NRG3: variants seen among roughly 807,000 people sequenced by gnomAD.
The protein encoded by NRG3 is neuregulin 3, also known as pro-neuregulin-3, membrane-bound isoform.
Under a neutral mutation model 66.9 loss-of-function variants are expected in NRG3, and 31 were observed. The ratio of observed to expected loss-of-function variants is 0.46; its 90% CI spans 0.35 to 0.63. The LOEUF is 0.63. Among genes scored for constraint, NRG3 ranks in the 20% least tolerant of loss-of-function variants. NRG3 has a pLI of 0.00. For missense variants in NRG3, 910 were observed against 878.9 expected, an observed-to-expected ratio of 1.04 and a Z score of -0.45; for synonymous variants, 393 against 359.4, an observed-to-expected ratio of 1.09 and a Z score of -1.06.
chr10:81,975,068 C>T (rs746953342), intron 1 of NRG3, among the ~76,000 whole-genome samples: 11 of 147,808 alleles, frequency 7.4e-5, no homozygotes, highest in African/African-American at 1.8e-4. Flanking sequence ...GGACATATAG[C>T]TCTACACACA....
chr10:82,590,513 A>T (rs1178618121), intron 2 of NRG3, among the ~76,000 whole-genome samples: 1 of 152,162 alleles, frequency 6.6e-6, no homozygotes, highest in East Asian at 1.9e-4. Context: ...GACCTGTAGG[A>T]TGCTGTAGCA....
intron 2 of NRG3, among the ~76,000 whole-genome samples, chr10:82,683,883 A>T (rs2054301659): frequency 6.6e-6 from 1 of 152,160 alleles, no homozygotes; most frequent in Admixed American, 6.6e-5. Flanking sequence ...CATTTTCCTA[A>T]ACTATACGCA....
intron 1 of NRG3, among the ~76,000 whole-genome samples, chr10:82,142,188 C>G (rs1316407142): frequency 6.6e-6 from 1 of 152,120 alleles, no homozygotes; most frequent in African/African-American, 2.4e-5. Context: ...CTATTTATAC[C>G]AAAGCTTTGT....
At chr10:81,957,214 A>G (rs576697898) in intron 1 of NRG3, among the ~76,000 whole-genome samples, 6 of 152,286 alleles carry the variant, frequency 3.9e-5, no homozygotes, top group African/African-American at 1.4e-4. Flanking sequence ...CTGTCCATCA[A>G]CCAGGAACGC....
chr10:82,474,381 A>G (rs573636335), intron 2 of NRG3, among the ~76,000 whole-genome samples: 1 of 152,200 alleles, frequency 6.6e-6, no homozygotes, highest in Non-Finnish European at 1.5e-5. Flanking sequence ...CAGGAATATT[A>G]TATATGAACA....
At chr10:82,005,938 A>G (rs912246446) in intron 1 of NRG3, among the ~76,000 whole-genome samples, 3 of 146,374 alleles carry the variant, frequency 2.0e-5, no homozygotes, top group Non-Finnish European at 3.0e-5. Context: ...ACCTTTCAGT[A>G]TAATGAGAAA....
At chr10:82,230,005 A>C (rs925319713) in intron 1 of NRG3, 2 of 152,214 alleles carry the variant, frequency 1.3e-5, no homozygotes, top group African/African-American at 2.4e-5. Flanking sequence ...CCAAACAGAA[A>C]AAAGAAAAGT....
intron 1 of NRG3, among the ~76,000 whole-genome samples, chr10:82,211,512 G>A (rs1320245304): frequency 1.3e-5 from 2 of 152,114 alleles, no homozygotes; most frequent in East Asian, 1.9e-4. Context: ...GGCAAAGAAT[G>A]CAATCCCTCC....
chr10:81,894,675 T>G (rs895472287), intron 1 of NRG3, among the ~76,000 whole-genome samples: 6 of 152,196 alleles, frequency 3.9e-5, no homozygotes, highest in African/African-American at 1.2e-4. Context: ...ATTGTGCCTC[T>G]CTCTGAGTGT....
intron 3 of NRG3, among the ~76,000 whole-genome samples, chr10:82,818,050 T>A (rs1591617793): frequency 6.6e-6 from 1 of 152,240 alleles, no homozygotes; most frequent in Non-Finnish European, 1.5e-5. Context: ...CCATAGGCAG[T>A]GCGTGGAGAG....
chr10:82,901,082 A>G (rs1340753112), intron 4 of NRG3, among the ~76,000 whole-genome samples: 3 of 152,196 alleles, frequency 2.0e-5, no homozygotes, highest in Non-Finnish European at 4.4e-5. Context: ...GAACTATCTA[A>G]CAGCATGTGT....
chr10:82,311,069 G>A (rs10787035), intron 1 of NRG3, among the ~76,000 whole-genome samples: 1,968 of 57,966 alleles, frequency 0.034, 57 homozygotes, highest in African/African-American at 0.07. Flanking sequence ...AGTTCTTTCC[G>A]GCTCCTCCCC....
chr10:82,912,540 C>G (rs980357245), intron 4 of NRG3, among the ~76,000 whole-genome samples: 1 of 152,070 alleles, frequency 6.6e-6, no homozygotes, highest in Non-Finnish European at 1.5e-5. Flanking sequence ...GCACCCACGC[C>G]ATTATATTTA....
chr10:82,525,302 A>G (rs34887603), intron 2 of NRG3, among the ~76,000 whole-genome samples: 6,163 of 151,984 alleles, frequency 0.041, 133 homozygotes, highest in Non-Finnish European at 0.053. Context: ...CCAAATTTTA[A>G]CTTTGTTTTT....
chr10:82,495,451 C>T (rs1236965874), intron 2 of NRG3, among the ~76,000 whole-genome samples: 1 of 151,942 alleles, frequency 6.6e-6, no homozygotes, highest in East Asian at 1.9e-4. Context: ...ATCCCTTTCC[C>T]ATGCATTTCT....
In NRG3 at chr10:82,426,396, A is replaced by G. The variant is rs911673194; in HGVS notation, c.953+67528A>G. On this transcript the variant is annotated intron_variant, in intron 2 of 8. Transcript: ENST00000372141. ...AATAGTGGCTTCCGTTGTTCCTTGT[A>G]AGCTCTATGTATTCAAATGTGTCTC... is the stretch of plus-strand genomic sequence containing the variant. Among the ~76,000 whole-genome samples the G allele has an allele frequency of 4.6e-5, 7 of 151,814 alleles. No individual in the cohort carries two copies. The South Asian group carries it at 1.5e-3, about 32-fold the overall frequency.
intron 1 of NRG3, among the ~76,000 whole-genome samples, chr10:82,290,698 G>A (rs1258573629): frequency 6.6e-6 from 1 of 151,116 alleles, no homozygotes; most frequent in Admixed American, 6.6e-5. Flanking sequence ...GCAGTGGCGC[G>A]ATCTCGGCTC....
chr10:82,664,094 G>T (rs1275295852), intron 2 of NRG3, among the ~76,000 whole-genome samples: 1 of 152,160 alleles, frequency 6.6e-6, no homozygotes, highest in East Asian at 1.9e-4. Context: ...GTTCAAATCT[G>T]CTTTTCTCTT....
intron 3 of NRG3, among the ~76,000 whole-genome samples, chr10:82,789,126 A>G (rs1177208323): frequency 1.3e-5 from 2 of 152,100 alleles, no homozygotes; most frequent in African/African-American, 4.8e-5. Flanking sequence ...AATATATGAG[A>G]ATTCAATTTT....
Sources: allele counts gnomAD v4.1 joint callset (sites outside exome capture counted in the v4.1 genomes callset), GRCh38; gene constraint gnomAD v4.1.1; transcripts MANE v1.5; gene names NCBI Gene and HGNC (gene_info 2026-07-23, HGNC 2026-07-21).